The following ZNF268 variants were observed in gnomAD, a reference collection of about 807,000 sequenced individuals.
ZNF268 encodes zinc finger protein 3.
ZNF268 carries 20 observed loss-of-function variants against 29.3 expected under a neutral mutation model. That is an observed-to-expected ratio of 0.68 (90% CI 0.48 to 0.99). The LOEUF (loss-of-function observed/expected upper bound fraction) is 0.99. ZNF268 is among the 50% of genes least tolerant of loss of function. The probability of loss-of-function intolerance (pLI) is 0.00; values close to 1 mark genes in which losing one functional copy is unlikely to be tolerated. For synonymous variants in ZNF268, 429 were observed against 376.9 expected (o/e 1.14, Z -1.60); for missense variants, 1,240 against 1,121.6 (o/e 1.11, Z -1.51).
intron 5 of ZNF268, among the ~76,000 whole-genome samples, chr12:133,197,814 T>C (rs1367171145): frequency 4.6e-5 from 7 of 152,098 alleles, no homozygotes; most frequent in Non-Finnish European, 1.0e-4. Flanking sequence ...TTTCATGTGT[T>C]TTTTGGCTGC....
At chr12:133,182,156 T>C (rs1956192879) in intron 2 of ZNF268, 126 bp downstream of exon 2, 2 of 849,764 alleles carry the variant, frequency 2.4e-6, no homozygotes, top group Non-Finnish European at 3.7e-6. Context: ...GGCAACTGGA[T>C]CGTCATTTAT....
chr12:133,202,648 T>A lies in ZNF268; in HGVS notation c.962T>A (p.Val321Glu). 1.2e-6 allele frequency: 2 copies of A among 1,605,910 alleles called. No individual in the cohort carries two copies. Among genetic ancestry groups the A allele is most frequent in the Non-Finnish European group, 1.7e-6 (2 of 1,175,712 alleles). Residue 321 changes from valine (V) to glutamate (E), a missense_variant, in exon 6 of 6, where the codon GTA becomes GAA. Val to Glu is a moderately radical substitution (Grantham distance 121). This residue lies in a region of ZNF268 where 1,177 missense variants were observed against 1,039.6 expected (regional missense o/e 1.13). Coordinates refer to ENST00000536435, the MANE Select transcript of ZNF268 (RefSeq NM_003415.3). ...TTCAGTAGTAAATCATACCTCATTG[T>A]ACATCAGAGAATTCATACAGGAGAG... ...KDFSSKSYLI[V>E]HQRIHTGEKL...
chr12:133,203,603 C>T lies in ZNF268; in HGVS notation c.1917C>T (p.Pro639=), dbSNP rs1475986435. The T allele has an allele frequency of 3.8e-6, 6 of 1,569,208 alleles. No homozygotes were observed. Among genetic ancestry groups the T allele is most frequent in the East Asian group, 4.7e-5 (2 of 42,580 alleles). ...VHQRTHTGEK[P]YSCNECGKAF... ...AGAGAACTCATACAGGAGAGAAACC[C>T]TATAGTTGTAATGAATGTGGAAAAG... Residue 639 remains proline, a synonymous_variant, in exon 6 of 6, where the codon CCC becomes CCT. Transcript: ENST00000536435.
chr12:133,203,732 G>C lies in ZNF268; in HGVS notation c.2046G>C (p.Gln682His). Residue 682 changes from glutamine to histidine, a missense_variant, in exon 6 of 6, where the codon CAG becomes CAC. This residue lies in a region of ZNF268 where 1,177 missense variants were observed against 1,039.6 expected (regional missense o/e 1.13). Transcript: ENST00000536435. ...QCAKTFSLKSQLIVHQRSHTG... is the reference protein window; with the variant it reads ...QCAKTFSLKSHLIVHQRSHTG... ...CAAAAACCTTTAGTTTGAAGTCCCA[G>C]CTCATTGTACATCAGAGAAGTCACA... 3.2e-6 allele frequency: 5 copies of C among 1,553,108 alleles called. No individual in the cohort carries two copies. Among genetic ancestry groups the C allele is most frequent in the Non-Finnish European group, 4.3e-6 (5 of 1,155,538 alleles).
chr12:133,200,556 A>G (rs1956728977), intron 5 of ZNF268, among the ~76,000 whole-genome samples: 1 of 151,534 alleles, frequency 6.6e-6, no homozygotes, highest in African/African-American at 2.4e-5. Flanking sequence ...GCTTTCTTTT[A>G]ATATCCTTTT....
Position 133,202,238 on chromosome 12 carries a change from T to A in ZNF268, c.552T>A (p.Phe184Leu). 1 of 1,612,158 alleles carries A rather than the reference T, an allele frequency of 6.2e-7. No individual in the cohort carries two copies. The change falls in exon 6 of 6, where the codon TTT (phenylalanine) becomes TTA (leucine). Residue 184 changes from phenylalanine to leucine, a missense_variant. This residue lies in a region of ZNF268 where 1,177 missense variants were observed against 1,039.6 expected (regional missense o/e 1.13). Coordinates refer to ENST00000536435, the MANE Select transcript of ZNF268 (RefSeq NM_003415.3). ...CAAAAAGCTTTGAATGCACTACATT[T>A]GGAAAACTATGTCTTCTTAGTACAA... ...STAKSFECTT[F>L]GKLCLLSTKY... is the part of the protein sequence containing the mutation.
At chr12:133,182,143 T>C (rs1190130158) in intron 2 of ZNF268, 113 bp downstream of exon 2, 7 of 1,012,150 alleles carry the variant, frequency 6.9e-6, no homozygotes, top group South Asian at 1.6e-5. Context: ...CACCGCTCTT[T>C]TAGGCAACTG....
rs993440182 is a variant in ZNF268, at chr12:133,206,794, C to T, written c.*2264C>T. On this transcript the variant is annotated 3_prime_UTR_variant, in exon 6 of 6. Transcript: ENST00000536435. ...ATGATGATTCACAGAAGGGAAGGGA[C>T]ATCTTACATAAACAAATAATCGCAG... 1.3e-5 allele frequency: 2 copies of T among 152,182 alleles called. No homozygotes were observed. The highest frequency in any genetic ancestry group is 4.8e-5 in the African/African-American group (2 of 41,430). The allele number at this position is 152,182 out of a possible 1,614,324, so 9.4% of individuals were successfully genotyped here.
chr12:133,189,310 GT>G (rs1280833207), intron 3 of ZNF268, among the ~76,000 whole-genome samples: 2 of 151,156 alleles, frequency 1.3e-5, no homozygotes, highest in Non-Finnish European at 2.9e-5. Context: ...TGCCTCCTGG[GT>G]TCAAGCAGTT....
rs975547882 is a variant in ZNF268 at position 133,198,465 on chromosome 12, G to T, written c.458-3679G>T. Among the ~76,000 whole-genome samples, 493 of 151,496 alleles carry T rather than the reference G, an allele frequency of 3.3e-3. 5 individuals carry two copies. In the Middle Eastern group the frequency reaches 0.044, roughly 14 times the overall value. On this transcript the variant is annotated intron_variant, in intron 5 of 5. Transcript: ENST00000536435. Reference sequence around the variant, plus strand: ...TTGTAGTATAGTTTGAAGTCAGGTAGTGTGATGCCTCCAGCTTTGTTCTTT... The same window carrying T: ...TTGTAGTATAGTTTGAAGTCAGGTATTGTGATGCCTCCAGCTTTGTTCTTT...
chr12:133,187,981 C>T lies in ZNF268; in HGVS notation c.143C>T (p.Thr48Ile), dbSNP rs1319354707. Residue 48 changes from threonine to isoleucine, a missense_variant, in exon 3 of 6, where the codon ACA (threonine) becomes ATA (isoleucine). Transcript: ENST00000536435. ...GTPGLQPLPGTPRQKQKSRRI... is the reference protein window; with the variant it reads ...GTPGLQPLPGIPRQKQKSRRI... Reference sequence around the variant, plus strand: ...CCTGGTCTGCAACCTCTCCCTGGAACACCCAGGCAGAAGCAGAAGAGTCGC... The same window carrying T: ...CCTGGTCTGCAACCTCTCCCTGGAATACCCAGGCAGAAGCAGAAGAGTCGC... The T allele has an allele frequency of 6.3e-7, 1 of 1,598,780 alleles. No individual in the cohort carries two copies. Among genetic ancestry groups the T allele is most frequent in the African/African-American group, 1.3e-5 (1 of 74,662 alleles).
At chr12:133,192,107 C>CTTTT in intron 5 of ZNF268, 104 bp downstream of exon 5, 96 of 532,136 alleles carry the variant, frequency 1.8e-4, no homozygotes, top group Middle Eastern at 4.9e-4. Flanking sequence ...TTACCATGCA[C>CTTTT]TTTTTTTTTT....
chr12:133,185,198 A>C (rs1001518508), intron 2 of ZNF268, among the ~76,000 whole-genome samples: 69 of 151,332 alleles, frequency 4.6e-4, no homozygotes, highest in African/African-American at 1.7e-3. Flanking sequence ...AAAAAAAAAA[A>C]AACAAAGAAT....
chr12:133,188,998 C>G (rs1332812721), intron 3 of ZNF268, among the ~76,000 whole-genome samples: 1 of 151,888 alleles, frequency 6.6e-6, no homozygotes, highest in Non-Finnish European at 1.5e-5. Context: ...TTCTTTATTA[C>G]TTTATTACTT....
In ZNF268 at chr12:133,202,680, CATGAATGCAG is replaced by C; in HGVS notation, c.995_1004del (p.His332LeufsTer65). 6.2e-7 allele frequency: 1 copy of C among 1,608,804 alleles called. No individual in the cohort carries two copies. The highest frequency in any genetic ancestry group is 8.5e-7 in the Non-Finnish European group (1 of 1,177,358). ...GAGAATTCATACAGGAGAGAAACTA[CATGAATGCAG>C]TGAATGCAGGAAAACATTCAGTTTC... On this transcript the variant is annotated frameshift_variant, in exon 6 of 6. Transcript: ENST00000536435. LOFTEE classifies it low-confidence loss of function (END_TRUNC).
In ZNF268 at chr12:133,188,891, C is replaced by T. The variant is rs573496125; in HGVS notation, c.234+819C>T. ...GCTTACTTTTGATGAACAGATATTTCTAACTTTTACTGAGTCTGGATTGCA... is the reference window on the plus strand; with the variant it reads ...GCTTACTTTTGATGAACAGATATTTTTAACTTTTACTGAGTCTGGATTGCA... On this transcript the variant is annotated intron_variant, in intron 3 of 5. Transcript: ENST00000536435. Among the ~76,000 whole-genome samples the T allele has an allele frequency of 3.3e-5, 5 of 152,188 alleles. No homozygotes were observed. The South Asian group carries it at 1.0e-3, about 32-fold the overall frequency.
rs1051326715 is a variant in ZNF268, at chr12:133,211,038, C to T, written c.*6508C>T. On this transcript the variant is annotated 3_prime_UTR_variant, in exon 6 of 6. Transcript: ENST00000536435. ...AAAACGAAACTGAAATAGAGTCCAT[C>T]ATTCCATGCCTTAATTGGAATGGAT... 4.4e-6 allele frequency: 2 copies of T among 455,914 alleles called. No homozygotes were observed. Among genetic ancestry groups the T allele is most frequent in the African/African-American group, 4.0e-5 (2 of 50,054 alleles). The allele number at this position is 455,914 out of a possible 1,614,324, so 28.2% of individuals were successfully genotyped here.
rs1255113022 is a variant in ZNF268 at position 133,205,646 on chromosome 12, T to C, written c.*1116T>C. ...GCATTTCCACACTGCAAACATTTTT[T>C]AGGGCTATCTTCTGCCCTTTGGAAG... On this transcript the variant is annotated 3_prime_UTR_variant, in exon 6 of 6. Coordinates refer to ENST00000536435, the MANE Select transcript of ZNF268 (RefSeq NM_003415.3). The C allele has an allele frequency of 6.6e-6, 1 of 152,264 alleles. No individual in the cohort carries two copies. Among genetic ancestry groups the C allele is most frequent in the East Asian group, 1.9e-4 (1 of 5,206 alleles). 9.4% of individuals were successfully genotyped at this position (152,264 alleles called of 1,614,324 possible). A position where few individuals can be genotyped will look rare whatever the true frequency, so the allele number is the denominator to read the frequency against.
intron 2 of ZNF268, 117 bp downstream of exon 2, chr12:133,182,147 G>C: frequency 1.0e-6 from 1 of 966,182 alleles, no homozygotes; most frequent in Non-Finnish European, 1.5e-6. Context: ...GCTCTTTTAG[G>C]CAACTGGATC....
Sources: allele counts gnomAD v4.1 joint callset (sites outside exome capture counted in the v4.1 genomes callset), GRCh38; gene constraint gnomAD v4.1.1; regional missense constraint gnomAD v4.1.1; transcripts MANE v1.5; gene names NCBI Gene and HGNC (gene_info 2026-07-23, HGNC 2026-07-21).